BCL11A: variants seen among roughly 807,000 people sequenced by gnomAD.
BCL11A encodes B cell CLL/lymphoma 11A.
Under a neutral mutation model 55.9 loss-of-function variants are expected in BCL11A, and 2 were observed. That is an observed-to-expected ratio of 0.04 (90% CI 0.01 to 0.11). The LOEUF is 0.11. Among genes scored for constraint, BCL11A ranks in the 10% least tolerant of loss-of-function variants. The pLI is 1.00. For missense variants in BCL11A, 817 were observed against 1,137.1 expected, an observed-to-expected ratio of 0.72 and a Z score of 4.05; for synonymous variants, 465 against 473.4, an observed-to-expected ratio of 0.98 and a Z score of 0.23.
At chr2:60,521,095 A>T (rs356978) in intron 2 of BCL11A, among the ~76,000 whole-genome samples, 70,475 of 141,490 alleles carry the variant, frequency 0.5, 17,396 homozygotes, top group East Asian at 0.72. Flanking sequence ...ACACACACAC[A>T]CACACTCACA....
chr2:60,551,486 C>A (rs896270700), intron 1 of BCL11A, among the ~76,000 whole-genome samples: 41 of 152,040 alleles, frequency 2.7e-4, no homozygotes, highest in African/African-American at 9.4e-4. Context: ...CCAGACCGGG[C>A]GGGGTGGGGG....
chr2:60,487,210 T>C (rs1678330113), intron 2 of BCL11A, among the ~76,000 whole-genome samples: 1 of 152,044 alleles, frequency 6.6e-6, no homozygotes, highest in South Asian at 2.1e-4. Flanking sequence ...AATGAAAGAG[T>C]AAGATAATTT....
downstream of BCL11A, chr2:60,457,072 C>T (rs999069738): frequency 3.4e-5 from 6 of 175,560 alleles, no homozygotes; most frequent in South Asian, 3.8e-4. Flanking sequence ...GTATAATACA[C>T]GCATCAGAAT....
intron 2 of BCL11A, among the ~76,000 whole-genome samples, chr2:60,483,256 G>A (rs1678062873): frequency 1.3e-5 from 2 of 152,150 alleles, no homozygotes; most frequent in South Asian, 2.1e-4. Flanking sequence ...TATATATCCC[G>A]TGGTAGAGAA....
intron 2 of BCL11A, among the ~76,000 whole-genome samples, chr2:60,514,107 A>G (rs1280815329): frequency 2.0e-5 from 3 of 152,236 alleles, no homozygotes; most frequent in Non-Finnish European, 4.4e-5. Flanking sequence ...GACTTTCCTG[A>G]GAGCACGTGC....
At chr2:60,504,050 G>A (rs1351085117) in intron 2 of BCL11A, among the ~76,000 whole-genome samples, 1 of 152,072 alleles carries the variant, frequency 6.6e-6, no homozygotes, top group Non-Finnish European at 1.5e-5. Context: ...ACATGGCTTC[G>A]AGCGGCACAT....
intron 3 of BCL11A, among the ~76,000 whole-genome samples, chr2:60,467,665 A>G (rs1454672775): frequency 8.1e-5 from 3 of 36,904 alleles, no homozygotes; most frequent in East Asian, 1.5e-3. Context: ...TGGTGATGGT[A>G]CTGGTGGTGA....
At position 60,459,198 on chromosome 2, in the gene BCL11A, C is replaced by T; in HGVS notation, c.*1206G>A. ...AGCCTCTTCCTTTCAATATGGTATA[C>T]AAGGTCTTAAAGTTTATCATTTGAT... On this transcript the variant is annotated 3_prime_UTR_variant, in exon 4 of 4. Coordinates refer to ENST00000642384, the MANE Select transcript of BCL11A (RefSeq NM_022893.4). The T allele has an allele frequency of 9.8e-7, 1 of 1,022,104 alleles. No individual in the cohort carries two copies. Among genetic ancestry groups the T allele is most frequent in the Non-Finnish European group, 1.2e-6 (1 of 851,366 alleles). The allele number at this position is 1,022,104 out of a possible 1,614,324, so 63.3% of individuals were successfully genotyped here. A position where few individuals can be genotyped will look rare whatever the true frequency, so the allele number is the denominator to read the frequency against.
chr2:60,470,819 T>C (rs1196392933), intron 2 of BCL11A, among the ~76,000 whole-genome samples: 1 of 152,112 alleles, frequency 6.6e-6, no homozygotes, highest in African/African-American at 2.4e-5. Context: ...TTTTTGTTTT[T>C]GTTTTCTAAG....
At chr2:60,507,051 C>T (rs900834606) in intron 2 of BCL11A, among the ~76,000 whole-genome samples, 2 of 151,932 alleles carry the variant, frequency 1.3e-5, no homozygotes, top group African/African-American at 4.8e-5. Context: ...TACATATGTA[C>T]TCAATTATGA....
chr2:60,536,681 T>C (rs1669682538), intron 2 of BCL11A: 1 of 152,230 alleles, frequency 6.6e-6, no homozygotes, highest in African/African-American at 2.4e-5. Context: ...AGCGTTTGCC[T>C]GCCACCCCCC....
intron 2 of BCL11A, among the ~76,000 whole-genome samples, chr2:60,469,615 C>T (rs1047887932): frequency 2.6e-5 from 4 of 152,202 alleles, no homozygotes; most frequent in African/African-American, 9.7e-5. Context: ...CATTTTACTG[C>T]ACTTTGTTGT....
At chr2:60,467,621 G>A (rs1410074265) in intron 3 of BCL11A, among the ~76,000 whole-genome samples, 1 of 86,140 alleles carries the variant, frequency 1.2e-5, no homozygotes, top group Non-Finnish European at 2.4e-5. Flanking sequence ...AGTGATGGTG[G>A]TGGTAATGGT....
downstream of BCL11A, chr2:60,452,362 G>A (rs1173187636): frequency 2.0e-6 from 1 of 501,104 alleles, no homozygotes; most frequent in African/African-American, 1.9e-5. Flanking sequence ...GTTCCAATGT[G>A]GGTCTGTTTT....
chr2:60,479,014 T>G (rs977318521), intron 2 of BCL11A, among the ~76,000 whole-genome samples: 1 of 151,742 alleles, frequency 6.6e-6, no homozygotes, highest in African/African-American at 2.4e-5. Flanking sequence ...AATTTCCTAA[T>G]CCTTCATTTA....
intron 3 of BCL11A, among the ~76,000 whole-genome samples, chr2:60,463,671 T>G (rs902839126): frequency 2.0e-5 from 3 of 152,072 alleles, no homozygotes. Flanking sequence ...TATGGGGAGA[T>G]AGCTACATTA....
chr2:60,511,676 T>A (rs369858300), intron 2 of BCL11A, among the ~76,000 whole-genome samples: 1 of 152,218 alleles, frequency 6.6e-6, no homozygotes, highest in African/African-American at 2.4e-5. Flanking sequence ...CACCATTTCA[T>A]GAAAACAATC....
intron 2 of BCL11A, among the ~76,000 whole-genome samples, chr2:60,483,350 G>A (rs894914262): frequency 4.6e-5 from 7 of 152,152 alleles, no homozygotes; most frequent in Non-Finnish European, 8.8e-5. Context: ...GGTTTAAATC[G>A]ATGCCTCAAA....
At chr2:60,465,934 G>A (rs575376191) in intron 3 of BCL11A, among the ~76,000 whole-genome samples, 152 of 152,278 alleles carry the variant, frequency 1.0e-3, no homozygotes, top group African/African-American at 3.5e-3. Flanking sequence ...TTAAAGAGCA[G>A]GGGTGACTGG....
Sources: allele counts gnomAD v4.1 joint callset (sites outside exome capture counted in the v4.1 genomes callset), GRCh38; gene constraint gnomAD v4.1.1; transcripts MANE v1.5; gene names NCBI Gene and HGNC (gene_info 2026-07-23, HGNC 2026-07-21).